Variants in SGIP1 observed in about 807,000 individuals in gnomAD.
The protein encoded by SGIP1 is SH3-containing GRB2-like protein 3-interacting protein 1.
In SGIP1, 38 loss-of-function variants were observed where a neutral mutation model predicts 107.5. The observed-to-expected ratio is 0.35, with a 90% confidence interval of 0.27 to 0.46. The LOEUF (loss-of-function observed/expected upper bound fraction) is 0.46, where lower values mean the gene tolerates loss of function less well. Ranked by LOEUF, SGIP1 falls within the 20% of genes least tolerant of loss-of-function variation. The pLI, the probability that SGIP1 is intolerant of heterozygous loss-of-function variation, is 1.00. For synonymous variants in SGIP1, 365 were observed against 366.1 expected, an observed-to-expected ratio of 1.00 and a Z score of 0.03; for missense variants, 929 against 1,019.5, an observed-to-expected ratio of 0.91 and a Z score of 1.21.
intron 2 of SGIP1, among the ~76,000 whole-genome samples, chr1:66,630,070 C>T (rs2073914701): frequency 6.6e-6 from 1 of 152,152 alleles, no homozygotes; most frequent in Non-Finnish European, 1.5e-5. Context: ...AGCCGGTGCC[C>T]TTAGCCACCA....
At chr1:66,656,759 A>G (rs1434202407) in intron 7 of SGIP1, among the ~76,000 whole-genome samples, 1 of 152,198 alleles carries the variant, frequency 6.6e-6, no homozygotes, top group Non-Finnish European at 1.5e-5. Context: ...TGCTCAATAA[A>G]TATCTGTTAA....
chr1:66,600,480 A>G (rs1393909734), intron 1 of SGIP1, among the ~76,000 whole-genome samples: 2 of 152,218 alleles, frequency 1.3e-5, no homozygotes, highest in Admixed American at 6.5e-5. Context: ...AGTTCCACCT[A>G]AAGGATGCTA....
chr1:66,687,298 C>CAAAA (rs550250808), intron 15 of SGIP1, among the ~76,000 whole-genome samples: 9 of 137,714 alleles, frequency 6.5e-5, no homozygotes, highest in African/African-American at 2.4e-4. Flanking sequence ...CCATCAACAC[C>CAAAA]AAAAAAAAAA....
At chr1:66,580,675 A>G (rs1056861573) in intron 1 of SGIP1, among the ~76,000 whole-genome samples, 7 of 152,078 alleles carry the variant, frequency 4.6e-5, no homozygotes, top group African/African-American at 1.7e-4. Context: ...ATTTCTTTAT[A>G]TATTTGTTTT....
chr1:66,706,782 A>T (rs1318827448), intron 18 of SGIP1, among the ~76,000 whole-genome samples: 2 of 152,086 alleles, frequency 1.3e-5, no homozygotes, highest in African/African-American at 4.8e-5. Context: ...TGTGAATGTG[A>T]GTCTGCGTGT....
In SGIP1 at chr1:66,733,803, T is replaced by C. The variant is rs2094120461; in HGVS notation, c.1954T>C (p.Leu652=). 1 of 1,613,528 alleles carries C rather than the reference T, an allele frequency of 6.2e-7. No homozygotes were observed. Among genetic ancestry groups the C allele is most frequent in the African/African-American group, 1.3e-5 (1 of 74,886 alleles). ...GGAATTCTGGGTAAACATGCCAAATTTGATGACTCACCTAAAGAAAGTGTC... is the reference window on the plus strand; with the variant it reads ...GGAATTCTGGGTAAACATGCCAAATCTGATGACTCACCTAAAGAAAGTGTC... ...TKEFWVNMPN[L]MTHLKKVSEQ... The change falls in exon 21 of 25, where the codon TTG becomes CTG. Residue 652 remains leucine, a synonymous_variant. Coordinates refer to ENST00000371037, the MANE Select transcript of SGIP1 (RefSeq NM_032291.4).
intron 1 of SGIP1, among the ~76,000 whole-genome samples, chr1:66,592,897 CTTTTTTTTTT>C (rs35762612): frequency 5.0e-4 from 28 of 56,352 alleles, no homozygotes; most frequent in Middle Eastern, 0.014. Context: ...TCTTCTTCTT[CTTTTTTTTTT>C]TTTTTTTTTT....
chr1:66,593,945 G>T (rs1184093696), intron 1 of SGIP1, among the ~76,000 whole-genome samples: 3 of 152,026 alleles, frequency 2.0e-5, no homozygotes, highest in Admixed American at 6.5e-5. Flanking sequence ...TTAAAGAATA[G>T]AACACATATT....
At chr1:66,730,774 T>C (rs2093972027) in intron 20 of SGIP1, among the ~76,000 whole-genome samples, 2 of 152,174 alleles carry the variant, frequency 1.3e-5, no homozygotes, top group South Asian at 4.1e-4. Context: ...AGAATCCTTT[T>C]AGCTCCAGCC....
rs978408287 is a variant in SGIP1 at position 66,744,251 on chromosome 1, T to A, written c.*1156T>A. The stretch of plus-strand genomic sequence containing the variant: ...ACTGTGTAATAAATTTCCTTTTGGA[T>A]GATTAGGATTCATTGTATAAAACTG... On this transcript the variant is annotated 3_prime_UTR_variant, in exon 25 of 25. Transcript: ENST00000371037. 6.6e-6 allele frequency: 1 copy of A among 152,314 alleles called. No individual in the cohort carries two copies. The highest frequency in any genetic ancestry group is 3.4e-3 in the Middle Eastern group (1 of 294). The allele number at this position is 152,314 out of a possible 1,614,324, so 9.4% of individuals were successfully genotyped here.
At chr1:66,534,457 G>T (rs1027605531) in intron 1 of SGIP1, 89 bp downstream of exon 1, 4 of 1,480,512 alleles carry the variant, frequency 2.7e-6, no homozygotes, top group East Asian at 2.3e-5. Context: ...TGTATGTGGC[G>T]GTTCTAGAAC....
intron 18 of SGIP1, among the ~76,000 whole-genome samples, chr1:66,709,303 A>C (rs1245774642): frequency 2.9e-4 from 44 of 151,370 alleles, no homozygotes; most frequent in Admixed American, 2.8e-3. Flanking sequence ...AACATGTAGC[A>C]CTCTGAAAAG....
chr1:66,640,683 T>A (rs892441402), intron 5 of SGIP1, among the ~76,000 whole-genome samples: 4 of 151,996 alleles, frequency 2.6e-5, no homozygotes, highest in Admixed American at 2.6e-4. Flanking sequence ...TGCTGGGCCT[T>A]ATTGGCTACA....
chr1:66,605,730 G>C (rs1457768418), intron 1 of SGIP1, among the ~76,000 whole-genome samples: 1 of 151,996 alleles, frequency 6.6e-6, no homozygotes, highest in Non-Finnish European at 1.5e-5. Context: ...AGGACATGTA[G>C]GTGAAGGCTA....
intron 1 of SGIP1, among the ~76,000 whole-genome samples, chr1:66,577,783 TG>T (rs1210711628): frequency 1.3e-5 from 2 of 151,090 alleles, no homozygotes; most frequent in Admixed American, 6.6e-5. Context: ...TGTGTGTGTG[TG>T]TGTGTGTGTG....
chr1:66,664,448 C>G (rs768605346), intron 8 of SGIP1, among the ~76,000 whole-genome samples: 3 of 152,154 alleles, frequency 2.0e-5, no homozygotes, highest in Admixed American at 6.5e-5. Flanking sequence ...ATCACAATGA[C>G]TCTCTGCTTT....
intron 7 of SGIP1, among the ~76,000 whole-genome samples, chr1:66,645,461 A>G (rs1367465887): frequency 6.6e-6 from 1 of 152,158 alleles, no homozygotes. Flanking sequence ...GATTCTGATG[A>G]AAAAATGTTA....
At chr1:66,593,664 C>T (rs1241347630) in intron 1 of SGIP1, among the ~76,000 whole-genome samples, 2 of 152,122 alleles carry the variant, frequency 1.3e-5, no homozygotes, top group Non-Finnish European at 2.9e-5. Context: ...TCCAGCTACT[C>T]AGGAGGCTGA....
In SGIP1 at chr1:66,677,017, G is replaced by T; in HGVS notation, c.660G>T (p.Gln220His). The change falls in exon 13 of 25, where the codon CAG (glutamine) becomes CAT (histidine). Residue 220 changes from glutamine to histidine, a missense_variant. Physicochemically the swap from Gln to His is conservative, Grantham distance 24. Coordinates refer to ENST00000371037, the MANE Select transcript of SGIP1 (RefSeq NM_032291.4). ...DEQKTEVLLD[Q>H]PEIWGSGQPI... ...TTTTGTTTCCAGTTCTTTTAGATCA[G>T]CCTGAGATATGGGGTTCAGGCCAAC... The T allele has an allele frequency of 6.2e-7, 1 of 1,612,844 alleles. No homozygotes were observed.
Sources: gnomAD v4.1 joint callset for allele counts (sites outside exome capture counted in the v4.1 genomes callset) on GRCh38, gnomAD v4.1.1 for gene constraint, MANE v1.5 for transcripts, NCBI Gene and HGNC (gene_info 2026-07-23, HGNC 2026-07-21) for gene names.